LRRC4C: variants seen among roughly 807,000 people sequenced by gnomAD.
LRRC4C encodes the protein leucine rich repeat containing 4C.
Under a neutral mutation model 33.6 loss-of-function variants are expected in LRRC4C, and 5 were observed. That is an observed-to-expected ratio of 0.15 (90% CI 0.08 to 0.31). The LOEUF is 0.31. Among genes scored for constraint, LRRC4C ranks in the 10% least tolerant of loss-of-function variants. LRRC4C has a pLI of 1.00. For missense variants in LRRC4C, 560 were observed against 796.7 expected, an observed-to-expected ratio of 0.70 and a Z score of 3.58; for synonymous variants, 329 against 302.0, an observed-to-expected ratio of 1.09 and a Z score of -0.93.
intron 3 of LRRC4C, among the ~76,000 whole-genome samples, chr11:40,593,080 C>A (rs116416280): frequency 0.017 from 2,567 of 152,222 alleles, 88 homozygotes; most frequent in African/African-American, 0.058. Context: ...GCAAGCCAAG[C>A]ACAGCCTCTG....
At chr11:41,093,157 C>T (rs1401560472) in intron 1 of LRRC4C, among the ~76,000 whole-genome samples, 1 of 152,174 alleles carries the variant, frequency 6.6e-6, no homozygotes. Flanking sequence ...ACTACTTTAA[C>T]TCAAAGTCCC....
chr11:40,795,085 A>C (rs1950772266), intron 2 of LRRC4C, among the ~76,000 whole-genome samples: 3 of 152,138 alleles, frequency 2.0e-5, no homozygotes, highest in Non-Finnish European at 2.9e-5. Flanking sequence ...ATCTCCTTTC[A>C]TTGGTAACAG....
At chr11:40,674,327 T>A (rs1268583961) in intron 2 of LRRC4C, among the ~76,000 whole-genome samples, 7 of 152,208 alleles carry the variant, frequency 4.6e-5, no homozygotes, top group Non-Finnish European at 7.3e-5. Flanking sequence ...CACCTTCTTA[T>A]ATGAAGTTTG....
At chr11:40,148,199 G>A (rs550339003) in intron 5 of LRRC4C, among the ~76,000 whole-genome samples, 1 of 151,918 alleles carries the variant, frequency 6.6e-6, no homozygotes, top group South Asian at 2.1e-4. Flanking sequence ...ATGTGTCTTT[G>A]TGGTAGAATG....
chr11:41,048,648 T>C (rs1857977769), intron 1 of LRRC4C, among the ~76,000 whole-genome samples: 3 of 152,214 alleles, frequency 2.0e-5, no homozygotes, highest in South Asian at 4.1e-4. Context: ...CAATATGTTA[T>C]CTGGAAACAT....
chr11:41,059,767 G>A (rs1590389015), intron 1 of LRRC4C, among the ~76,000 whole-genome samples: 1 of 152,184 alleles, frequency 6.6e-6, no homozygotes, highest in Non-Finnish European at 1.5e-5. Context: ...GCTCATGCCT[G>A]TAATCCCAGC....
chr11:41,332,534 C>T (rs1419569223), intron 1 of LRRC4C, among the ~76,000 whole-genome samples: 1 of 152,020 alleles, frequency 6.6e-6, no homozygotes, highest in Non-Finnish European at 1.5e-5. Flanking sequence ...CTTCAGCACT[C>T]GATACCGTTT....
At chr11:40,461,840 G>T (rs1359001444) in intron 3 of LRRC4C, among the ~76,000 whole-genome samples, 1 of 151,438 alleles carries the variant, frequency 6.6e-6, no homozygotes, top group African/African-American at 2.4e-5. Context: ...ATATGACAGG[G>T]ATCTATGAAA....
Position 41,117,016 on chromosome 11 carries a change from C to T in LRRC4C, c.-495-183293G>A, listed in dbSNP as rs1007114931. ...GAACCTGGACTGGCATCAGGCTTTG[C>T]TTTGGCCAGTAGAATGTCTAACAGT... On this transcript the variant is annotated intron_variant, in intron 1 of 6. Coordinates refer to ENST00000528697, the MANE Select transcript of LRRC4C (RefSeq NM_001258419.2). Among the ~76,000 whole-genome samples, 11 of 145,524 alleles carry T rather than the reference C, an allele frequency of 7.6e-5. No individual in the cohort carries two copies. The East Asian group carries it at 9.2e-4, about 12-fold the overall frequency.
intron 1 of LRRC4C, among the ~76,000 whole-genome samples, chr11:40,957,309 G>C (rs1162760172): frequency 6.6e-6 from 1 of 151,694 alleles, no homozygotes; most frequent in Non-Finnish European, 1.5e-5. Flanking sequence ...AGTATCACAG[G>C]TAAAACATTT....
At chr11:40,697,180 G>T (rs1314954355) in intron 2 of LRRC4C, among the ~76,000 whole-genome samples, 2 of 152,004 alleles carry the variant, frequency 1.3e-5, no homozygotes, top group East Asian at 1.9e-4. Flanking sequence ...TGTTCATGGG[G>T]TCCTTCGTTC....
chr11:40,960,687 C>T (rs537696627), intron 1 of LRRC4C, among the ~76,000 whole-genome samples: 4 of 151,718 alleles, frequency 2.6e-5, no homozygotes, highest in Non-Finnish European at 5.9e-5. Flanking sequence ...TATATATTTA[C>T]TGGGCTCAAG....
chr11:40,880,651 C>T (rs182782833), intron 2 of LRRC4C, among the ~76,000 whole-genome samples: 5 of 150,818 alleles, frequency 3.3e-5, no homozygotes, highest in African/African-American at 1.2e-4. Context: ...TATATCTTTA[C>T]TAATGCATCA....
chr11:41,126,086 G>C (rs981782596), intron 1 of LRRC4C, among the ~76,000 whole-genome samples: 1 of 151,914 alleles, frequency 6.6e-6, no homozygotes, highest in Admixed American at 6.6e-5. Context: ...AATGCATGTG[G>C]GGCTTAATAC....
At chr11:40,562,888 G>A (rs570289872) in intron 3 of LRRC4C, among the ~76,000 whole-genome samples, 9 of 151,606 alleles carry the variant, frequency 5.9e-5, no homozygotes, top group Admixed American at 2.0e-4. Flanking sequence ...CTTTCTTAGC[G>A]TGGCACTCTG....
chr11:40,791,074 T>G (rs1375753142), intron 2 of LRRC4C, among the ~76,000 whole-genome samples: 1 of 152,176 alleles, frequency 6.6e-6, no homozygotes, highest in Non-Finnish European at 1.5e-5. Context: ...TGAGCTGTTT[T>G]GTTTTTTGTG....
In LRRC4C at chr11:41,003,487, A is replaced by C. The variant is rs535650282; in HGVS notation, c.-495-69764T>G. Among the ~76,000 whole-genome samples the C allele has an allele frequency of 4.3e-4, 65 of 152,278 alleles. 1 individual carries two copies. The highest frequency in any genetic ancestry group is 7.9e-4 in the Non-Finnish European group (54 of 68,006). On this transcript the variant is annotated intron_variant, in intron 1 of 6. Coordinates refer to ENST00000528697, the MANE Select transcript of LRRC4C (RefSeq NM_001258419.2). ...AGATACCTTGGGGAATACGGTATGG[A>C]GGCTACAACAAGGTTATTTGAGATC... is the stretch of plus-strand genomic sequence containing the variant.
intron 1 of LRRC4C, among the ~76,000 whole-genome samples, chr11:41,035,904 G>C (rs1857034195): frequency 6.6e-6 from 1 of 152,036 alleles, no homozygotes; most frequent in South Asian, 2.1e-4. Context: ...ATATTTACCA[G>C]TTAAGAGAAA....
intron 2 of LRRC4C, among the ~76,000 whole-genome samples, chr11:40,665,325 A>AATATATATATATAT (rs1160594156): frequency 3.0e-4 from 4 of 13,438 alleles, no homozygotes; most frequent in South Asian, 2.7e-3. Flanking sequence ...AAAAAAAAAA[A>AATATATATATATAT]ATATATATAT....
Sources: gnomAD v4.1 joint callset for allele counts (sites outside exome capture counted in the v4.1 genomes callset) on GRCh38, gnomAD v4.1.1 for gene constraint, MANE v1.5 for transcripts, NCBI Gene and HGNC (gene_info 2026-07-23, HGNC 2026-07-21) for gene names.